The following SGPP2 variants were observed in gnomAD, a reference collection of about 807,000 sequenced individuals.
The protein encoded by SGPP2 is sphingosine 1-phosphate phosphohydrolase 2.
SGPP2 carries 30 observed loss-of-function variants against 33.9 expected under a neutral mutation model. That is an observed-to-expected ratio of 0.89 (90% CI 0.66 to 1.20). The LOEUF (loss-of-function observed/expected upper bound fraction) is 1.20, where lower values mean the gene tolerates loss of function less well. SGPP2 is among the 50% of genes most tolerant of loss of function. The pLI, the probability that SGPP2 is intolerant of heterozygous loss-of-function variation, is 0.00. For missense variants in SGPP2, 458 were observed against 532.1 expected, an observed-to-expected ratio of 0.86 and a Z score of 1.37; for synonymous variants, 233 against 225.0, an observed-to-expected ratio of 1.04 and a Z score of -0.32.
In SGPP2 at chr2:222,474,487, G is replaced by C. The variant is rs1047709053; in HGVS notation, c.220-81G>C. On this transcript the variant is annotated intron_variant, in intron 1 of 4. Transcript: ENST00000321276. ...GAGGAGACAGCGTCTTGGCAATTGA[G>C]ACCTGTGAGTTTTAGACAGAGATGT... 1.1e-5 allele frequency: 14 copies of C among 1,308,786 alleles called. No individual in the cohort carries two copies. The African/African-American group carries it at 1.9e-4, about 18-fold the overall frequency. The allele number at this position is 1,308,786 out of a possible 1,614,324, so 81.1% of individuals were successfully genotyped here.
intron 1 of SGPP2, among the ~76,000 whole-genome samples, chr2:222,474,069 G>T (rs1697892230): frequency 6.6e-6 from 1 of 152,110 alleles, no homozygotes; most frequent in Non-Finnish European, 1.5e-5. Context: ...AATATTACAT[G>T]TGCCTCATAA....
intron 2 of SGPP2, among the ~76,000 whole-genome samples, chr2:222,480,527 C>G (rs1312122553): frequency 6.6e-6 from 1 of 152,214 alleles, no homozygotes; most frequent in African/African-American, 2.4e-5. Flanking sequence ...GCCACAGATT[C>G]ATATTTGAGC....
intron 2 of SGPP2, among the ~76,000 whole-genome samples, chr2:222,520,737 A>AC (rs58857885): frequency 0.014 from 1,959 of 140,364 alleles, 63 homozygotes; most frequent in Non-Finnish European, 0.017. Flanking sequence ...AAAAAAAAAA[A>AC]AAAAAAAACC....
Position 222,424,717 on chromosome 2 carries a change from A to C in SGPP2, c.115A>C (p.Thr39Pro). The change falls in exon 1 of 5, where the codon ACG (threonine) becomes CCG (proline). Residue 39 changes from threonine (T) to proline (P), a missense_variant. By Grantham distance (38) the Thr-to-Pro change is conservative. Coordinates refer to ENST00000321276, the MANE Select transcript of SGPP2 (RefSeq NM_152386.4). ...EGPRENGADP[T>P]ERAARVPGVE... ...CCCCCGGGAGAACGGCGCGGACCCC[A>C]CGGAGCGCGCGGCGCGGGTCCCCGG... 2 of 1,440,322 alleles carry C rather than the reference A, an allele frequency of 1.4e-6. No homozygotes were observed. Among genetic ancestry groups the C allele is most frequent in the Non-Finnish European group, 1.8e-6 (2 of 1,098,584 alleles). 89.2% of individuals were successfully genotyped at this position (1,440,322 alleles called of 1,614,324 possible). A position where few individuals can be genotyped will look rare whatever the true frequency, so the allele number is the denominator to read the frequency against.
chr2:222,490,611 T>TC (rs1698182381), intron 2 of SGPP2, among the ~76,000 whole-genome samples: 1 of 81,336 alleles, frequency 1.2e-5, no homozygotes, highest in African/African-American at 2.9e-5. Flanking sequence ...CTAATTTTTT[T>TC]TTTTTTTTTT....
intron 2 of SGPP2, among the ~76,000 whole-genome samples, chr2:222,505,657 G>A (rs1015537349): frequency 8.6e-5 from 13 of 151,874 alleles, no homozygotes; most frequent in Admixed American, 8.5e-4. Context: ...AATTAGGCCG[G>A]GCCTGGTGGC....
At chr2:222,451,152 A>C (rs938887184) in intron 1 of SGPP2, among the ~76,000 whole-genome samples, 8 of 152,176 alleles carry the variant, frequency 5.3e-5, no homozygotes, top group Non-Finnish European at 8.8e-5. Flanking sequence ...AAAAAAAAAA[A>C]AAAACTGCAA....
chr2:222,461,942 G>A (rs1697666866), intron 1 of SGPP2, among the ~76,000 whole-genome samples: 1 of 152,142 alleles, frequency 6.6e-6, no homozygotes, highest in Non-Finnish European at 1.5e-5. Context: ...GACTTCCAAA[G>A]TATAGAGAAC....
intron 2 of SGPP2, chr2:222,498,541 T>C (rs1278846562): frequency 3.9e-5 from 6 of 152,096 alleles, no homozygotes; most frequent in African/African-American, 1.4e-4. Context: ...AATGTTGTAT[T>C]CCGAACATTT....
At chr2:222,459,287 C>T (rs1449668113) in intron 1 of SGPP2, among the ~76,000 whole-genome samples, 2 of 151,764 alleles carry the variant, frequency 1.3e-5, no homozygotes, top group South Asian at 2.1e-4. Flanking sequence ...GCTAAGACTA[C>T]AGGCACATGC....
At chr2:222,491,183 G>A (rs1698192203) in intron 2 of SGPP2, among the ~76,000 whole-genome samples, 1 of 151,990 alleles carries the variant, frequency 6.6e-6, no homozygotes, top group African/African-American at 2.4e-5. Context: ...CACCCAGGCT[G>A]GAGTGCAGTG....
At chr2:222,455,164 G>C (rs374613782) in intron 1 of SGPP2, among the ~76,000 whole-genome samples, 4 of 151,596 alleles carry the variant, frequency 2.6e-5, no homozygotes, top group East Asian at 3.9e-4. Context: ...GACCCCAAGA[G>C]TTCAAGACCA....
intron 1 of SGPP2, among the ~76,000 whole-genome samples, chr2:222,448,607 T>C (rs1697431781): frequency 6.6e-6 from 1 of 152,240 alleles, no homozygotes; most frequent in Non-Finnish European, 1.5e-5. Flanking sequence ...GTTGTTTTTG[T>C]TGGTAGCATT....
intron 1 of SGPP2, among the ~76,000 whole-genome samples, chr2:222,471,451 C>CT (rs1287195346): frequency 6.6e-6 from 1 of 151,974 alleles, no homozygotes; most frequent in Non-Finnish European, 1.5e-5. Flanking sequence ...TAAAAGTACT[C>CT]TCAGCCTTTT....
chr2:222,461,925 C>G (rs1026674972), intron 1 of SGPP2, among the ~76,000 whole-genome samples: 1 of 152,124 alleles, frequency 6.6e-6, no homozygotes, highest in East Asian at 1.9e-4. Flanking sequence ...TGTGTACAAA[C>G]CCCTGTGACT....
intron 2 of SGPP2, among the ~76,000 whole-genome samples, chr2:222,505,934 C>CAAAAA (rs35318533): frequency 4.2e-5 from 4 of 95,088 alleles, no homozygotes; most frequent in African/African-American, 1.1e-4. Context: ...AACTCTGTCT[C>CAAAAA]AAAAAAAAAA....
Position 222,524,955 on chromosome 2 carries a change from G to A in SGPP2, c.570G>A (p.Val190=), listed in dbSNP as rs1298639858. Residue 190 remains valine, a synonymous_variant, in exon 4 of 5, where the codon GTG becomes GTA. Transcript: ENST00000321276. ...STMDRYQYPF[V]LGLVMAVVFS... ...TCCTTCCCCCACAGTATCCATTTGT[G>A]TTGGGACTGGTGATGGCCGTGGTGT... is the stretch of plus-strand genomic sequence containing the variant. The A allele has an allele frequency of 1.9e-6, 3 of 1,613,944 alleles. No homozygotes were observed. Among genetic ancestry groups the A allele is most frequent in the Non-Finnish European group, 2.5e-6 (3 of 1,179,882 alleles).
rs1231033806 is a variant in SGPP2 at position 222,561,679 on chromosome 2, C to A, written c.*2781C>A. On this transcript the variant is annotated 3_prime_UTR_variant, in exon 5 of 5. Transcript: ENST00000321276. The stretch of plus-strand genomic sequence containing the variant: ...CTGAGGATGAATATATCAGCCACAG[C>A]ACATTAAAGAATGAGCCAAGGATTT... Among the ~76,000 whole-genome samples the A allele has an allele frequency of 6.6e-6, 1 of 151,978 alleles. No homozygotes were observed. The highest frequency in any genetic ancestry group is 2.4e-5 in the African/African-American group (1 of 41,344).
At chr2:222,490,473 G>C (rs984438947) in intron 2 of SGPP2, among the ~76,000 whole-genome samples, 2 of 152,140 alleles carry the variant, frequency 1.3e-5, no homozygotes, top group Non-Finnish European at 2.9e-5. Context: ...CTGTTGCCTA[G>C]GCTAGAGTGC....
Sources: gnomAD v4.1 joint callset for allele counts (sites outside exome capture counted in the v4.1 genomes callset) on GRCh38, gnomAD v4.1.1 for gene constraint, MANE v1.5 for transcripts, NCBI Gene and HGNC (gene_info 2026-07-23, HGNC 2026-07-21) for gene names.